DOCK10: variants seen among roughly 807,000 people sequenced by gnomAD.
DOCK10 encodes dedicator of cytokinesis 10, also known as dedicator of cytokinesis protein 10.
DOCK10 carries 145 observed loss-of-function variants against 280.1 expected under a neutral mutation model. The observed-to-expected ratio is 0.52, with a 90% CI of 0.45 to 0.59. The LOEUF is 0.59. Among genes scored for constraint, DOCK10 ranks in the 20% least tolerant of loss-of-function variants. DOCK10 has a pLI of 0.00. For missense variants in DOCK10, 2,368 were observed against 2,651.7 expected (o/e 0.89, Z 2.35); for synonymous variants, 915 against 942.2 (o/e 0.97, Z 0.53).
chr2:224,768,379 G>A (rs1047153984), intron 55 of DOCK10, among the ~76,000 whole-genome samples: 1 of 152,192 alleles, frequency 6.6e-6, no homozygotes, highest in African/African-American at 2.4e-5. Context: ...AGGAGAAGGT[G>A]TATATTTCCT....
At chr2:224,849,735 T>A in intron 18 of DOCK10, 136 bp from the exon 19 acceptor site, 1 of 630,912 alleles carries the variant, frequency 1.6e-6, no homozygotes, top group Non-Finnish European at 2.8e-6. Context: ...TAAGCTGGCA[T>A]CTAATTAACC....
chr2:224,821,860 T>C (rs1229430218), intron 28 of DOCK10, among the ~76,000 whole-genome samples: 4 of 152,194 alleles, frequency 2.6e-5, no homozygotes, highest in African/African-American at 9.7e-5. Context: ...CCTTTAAACT[T>C]TTCCCCTTTA....
At chr2:225,001,289 CTT>C (rs141808105) in intron 1 of DOCK10, among the ~76,000 whole-genome samples, 10 of 128,242 alleles carry the variant, frequency 7.8e-5, no homozygotes, top group African/African-American at 6.6e-5. Context: ...TACAACAGAC[CTT>C]TTTTTTTTTT....
intron 11 of DOCK10, among the ~76,000 whole-genome samples, chr2:224,865,886 CTT>C (rs372705239): frequency 0.01 from 1,574 of 151,756 alleles, 25 homozygotes; most frequent in African/African-American, 0.035. Flanking sequence ...CTCTCTCTCT[CTT>C]ACACACATAC....
In DOCK10 at chr2:224,819,662, ATCT is replaced by A. The variant is rs1288373548; in HGVS notation, c.3184-136_3184-134del. ...TGTTGTATAATTAGGTATTTAAAAA[ATCT>A]TCTAAAGATGTTTAAGCAGTCATCC... is the stretch of plus-strand genomic sequence containing the variant. On this transcript the variant is annotated intron_variant, in intron 28 of 55. Coordinates refer to ENST00000258390, the MANE Select transcript of DOCK10 (RefSeq NM_014689.3). 8 of 552,024 alleles carry A rather than the reference ATCT, an allele frequency of 1.4e-5. No individual in the cohort carries two copies. In the South Asian group the frequency reaches 2.5e-4, roughly 17 times the overall value. The allele number at this position is 552,024 out of a possible 1,614,324, so 34.2% of individuals were successfully genotyped here.
At chr2:224,930,058 G>A (rs773729224) in intron 2 of DOCK10, among the ~76,000 whole-genome samples, 13 of 151,926 alleles carry the variant, frequency 8.6e-5, no homozygotes, top group Non-Finnish European at 1.2e-4. Flanking sequence ...AAAATTAGCC[G>A]GGTGTGGTGG....
rs184409782 is a variant in DOCK10 at position 225,038,375 on chromosome 2, C to G, written c.123+3877G>C. Among the ~76,000 whole-genome samples the G allele has an allele frequency of 1.5e-3, 227 of 152,194 alleles. 1 individual carries two copies. The highest frequency in any genetic ancestry group is 2.9e-3 in the Non-Finnish European group (197 of 68,008). ...TAGGAATTCCTCACGCTCACGTAAACATGTTTACATATTCATTACTTCTCA... is the reference window on the plus strand; with the variant it reads ...TAGGAATTCCTCACGCTCACGTAAAGATGTTTACATATTCATTACTTCTCA... On this transcript the variant is annotated intron_variant, in intron 1 of 55. Transcript: ENST00000258390.
At chr2:224,943,671 C>A (rs17271602) in intron 1 of DOCK10, among the ~76,000 whole-genome samples, 2 of 151,688 alleles carry the variant, frequency 1.3e-5, no homozygotes, top group African/African-American at 2.4e-5. Flanking sequence ...GGCATTTTGT[C>A]AACTGAATTG....
chr2:224,797,531 C>T (rs997396907), intron 42 of DOCK10, among the ~76,000 whole-genome samples: 1 of 151,998 alleles, frequency 6.6e-6, no homozygotes, highest in Non-Finnish European at 1.5e-5. Flanking sequence ...TGATATGCAC[C>T]CCTTTAAGTT....
At position 224,807,719 on chromosome 2, in the gene DOCK10, T is replaced by C; in HGVS notation, c.3651A>G (p.Pro1217=). ...PLYGMLLDNM[P]RIYLKDLYPF... ...GATACAGGTCCTTCAGATAAATCCTTGGCATATTGTCCAGGAGCATGCCGT... is the reference window on the plus strand; with the variant it reads ...GATACAGGTCCTTCAGATAAATCCTCGGCATATTGTCCAGGAGCATGCCGT... Residue 1217 remains proline (P), a synonymous_variant, in exon 33 of 56, where the codon CCA becomes CCG. Coordinates refer to ENST00000258390, the MANE Select transcript of DOCK10 (RefSeq NM_014689.3). The C allele has an allele frequency of 1.3e-6, 2 of 1,573,642 alleles. No homozygotes were observed. Among genetic ancestry groups the C allele is most frequent in the East Asian group, 2.3e-5 (1 of 43,190 alleles).
Position 224,854,509 on chromosome 2 carries a change from T to C in DOCK10, c.1888+454A>G, listed in dbSNP as rs575872171. On this transcript the variant is annotated intron_variant, in intron 16 of 55. Transcript: ENST00000258390. ...AGAGTAACCCTCTGGCAGCACAATA[T>C]GGCAGAACTAGCCTCTATTTTGAGT... Among the ~76,000 whole-genome samples, 390 of 152,312 alleles carry C rather than the reference T, an allele frequency of 2.6e-3. 1 individual carries two copies. The highest frequency in any genetic ancestry group is 5.9e-3 in the Admixed American group (91 of 15,300).
intron 26 of DOCK10, among the ~76,000 whole-genome samples, chr2:224,832,930 C>T (rs1056707054): frequency 2.0e-5 from 3 of 152,164 alleles, no homozygotes; most frequent in African/African-American, 4.8e-5. Flanking sequence ...TATATCTGCA[C>T]ATTCCACTGC....
chr2:224,997,169 C>T lies in DOCK10; in HGVS notation c.123+45083G>A, dbSNP rs115938303. Among the ~76,000 whole-genome samples, 1,505 of 152,200 alleles carry T rather than the reference C, an allele frequency of 9.9e-3. 24 individuals carry two copies. The highest frequency in any genetic ancestry group is 0.033 in the African/African-American group (1,348 of 41,472). ...AATCTGCTTCCCACCAAATTCAACACTGCCTTTGGGGTTGGGGTTTGTCCC... is the reference window on the plus strand; with the variant it reads ...AATCTGCTTCCCACCAAATTCAACATTGCCTTTGGGGTTGGGGTTTGTCCC... On this transcript the variant is annotated intron_variant, in intron 1 of 55. Transcript: ENST00000258390.
intron 2 of DOCK10, among the ~76,000 whole-genome samples, chr2:224,918,185 T>G (rs1701443309): frequency 6.6e-6 from 1 of 152,240 alleles, no homozygotes; most frequent in Non-Finnish European, 1.5e-5. Flanking sequence ...TCACTCCTGA[T>G]GTAAGTGCAG....
intron 7 of DOCK10, among the ~76,000 whole-genome samples, chr2:224,876,778 G>A (rs988739644): frequency 6.6e-6 from 1 of 152,150 alleles, no homozygotes; most frequent in Non-Finnish European, 1.5e-5. Flanking sequence ...GAGTGTGGCT[G>A]CCTTTTTTCG....
chr2:224,829,253 T>C (rs1171402763), intron 27 of DOCK10, among the ~76,000 whole-genome samples: 1 of 152,230 alleles, frequency 6.6e-6, no homozygotes, highest in Non-Finnish European at 1.5e-5. Flanking sequence ...ACTAAAGTTC[T>C]GTTAACAGTA....
In DOCK10 at chr2:224,853,200, T is replaced by G. The variant is rs925701783; in HGVS notation, c.1889-78A>C. 13 of 1,275,552 alleles carry G rather than the reference T, an allele frequency of 1.0e-5. No homozygotes were observed. The African/African-American group carries it at 1.0e-4, about 10-fold the overall frequency. The allele number at this position is 1,275,552 out of a possible 1,614,324, so 79.0% of individuals were successfully genotyped here. A position where few individuals can be genotyped will look rare whatever the true frequency, so the allele number is the denominator to read the frequency against. Reference sequence around the variant, plus strand: ...GAACAATAGTTAACATGTTTTAAAATGAACCCACTCAAGATAGAAACTCCT... The same window carrying G: ...GAACAATAGTTAACATGTTTTAAAAGGAACCCACTCAAGATAGAAACTCCT... On this transcript the variant is annotated intron_variant, in intron 16 of 55. Transcript: ENST00000258390.
chr2:224,886,895 C>G lies in DOCK10; in HGVS notation c.417-364G>C, dbSNP rs200930855. 1.1e-4 allele frequency among the ~76,000 whole-genome samples: 16 copies of G among 151,326 alleles called. No homozygotes were observed. In the East Asian group the frequency reaches 2.5e-3, roughly 24 times the overall value. ...GCATGCAGCACCCCCAACACCCCCCCAAGTAGTACCTGGGATTACAGGCAT... is the reference window on the plus strand; with the variant it reads ...GCATGCAGCACCCCCAACACCCCCCGAAGTAGTACCTGGGATTACAGGCAT... On this transcript the variant is annotated intron_variant, in intron 4 of 55. Coordinates refer to ENST00000258390, the MANE Select transcript of DOCK10 (RefSeq NM_014689.3).
chr2:224,799,322 C>T (rs1469736419), intron 41 of DOCK10, among the ~76,000 whole-genome samples: 2 of 152,210 alleles, frequency 1.3e-5, no homozygotes, highest in Admixed American at 6.5e-5. Flanking sequence ...ACCCATGTTA[C>T]AGCATGTATC....
Sources: gnomAD v4.1 joint callset for allele counts (sites outside exome capture counted in the v4.1 genomes callset) on GRCh38, gnomAD v4.1.1 for gene constraint, MANE v1.5 for transcripts, NCBI Gene and HGNC (gene_info 2026-07-23, HGNC 2026-07-21) for gene names.